COPB1: variants seen among roughly 807,000 people sequenced by gnomAD.
COPB1 encodes the protein coatomer subunit beta.
In COPB1, 21 loss-of-function variants were observed where a neutral mutation model predicts 108.7. The ratio of observed to expected loss-of-function variants is 0.19; its 90% CI spans 0.14 to 0.28. The LOEUF (loss-of-function observed/expected upper bound fraction) is 0.28, where lower values mean the gene tolerates loss of function less well. Ranked by LOEUF, COPB1 falls within the 10% of genes least tolerant of loss-of-function variation. The pLI, the probability that COPB1 is intolerant of heterozygous loss-of-function variation, is 1.00. For missense variants in COPB1, 919 were observed against 1,141.3 expected (o/e 0.81, Z 2.81); for synonymous variants, 378 against 386.8 (o/e 0.98, Z 0.27).
chr11:14,490,534 TA>T (rs1850874897), intron 5 of COPB1, 30 bp downstream of exon 5: 2 of 1,221,596 alleles, frequency 1.6e-6, no homozygotes, highest in East Asian at 2.4e-5. Flanking sequence ...TTAAATACAG[TA>T]ATAAGAGTAT....
intron 7 of COPB1, 108 bp from the exon 8 acceptor site, chr11:14,483,259 CTCCCATGAAGCCA>C: frequency 1.3e-5 from 8 of 610,582 alleles, no homozygotes; most frequent in Non-Finnish European, 2.1e-5. Context: ...CACACACACA[CTCCCATGAAGCCA>C]AAATACACTC....
Position 14,469,370 on chromosome 11 carries a change from G to T in COPB1, c.1931C>A (p.Ser644Tyr), listed in dbSNP as rs1360571642. ...ECRQSLSHML[S>Y]AKLEEEKLSQ... ...TAATTTCTCTTCTTCTAGTTTAGCA[G>T]ATAACATGTGAGAAAGGGACTGTCT... is the stretch of plus-strand genomic sequence containing the variant. The change falls in exon 15 of 22, where the codon TCT becomes TAT. Residue 644 changes from serine to tyrosine, a missense_variant. This residue lies in a region of COPB1 where 705 missense variants were observed against 817.8 expected (regional missense o/e 0.86). Coordinates refer to ENST00000439561, the MANE Select transcript of COPB1 (RefSeq NM_001144061.2). 1 of 1,614,086 alleles carries T rather than the reference G, an allele frequency of 6.2e-7. No homozygotes were observed. Among genetic ancestry groups the T allele is most frequent in the Admixed American group, 1.7e-5 (1 of 60,018 alleles).
intron 2 of COPB1, among the ~76,000 whole-genome samples, chr11:14,497,861 T>TA (rs999613023): frequency 1.3e-5 from 2 of 152,058 alleles, no homozygotes; most frequent in Admixed American, 1.3e-4. Context: ...TATTCAGCCA[T>TA]AAAAAAAGAA....
intron 5 of COPB1, 146 bp from the exon 6 acceptor site, chr11:14,488,730 G>A: frequency 7.1e-6 from 3 of 424,960 alleles, no homozygotes; most frequent in South Asian, 7.2e-5. Context: ...AAAAAATCAA[G>A]AATAAAATTA....
chr11:14,465,903 T>C (rs1253478235), intron 17 of COPB1, among the ~76,000 whole-genome samples: 1 of 152,228 alleles, frequency 6.6e-6, no homozygotes, highest in African/African-American at 2.4e-5. Flanking sequence ...ATTACTTTGG[T>C]CACATGTGGT....
chr11:14,479,475 C>T, intron 11 of COPB1, 94 bp downstream of exon 11: 1 of 1,235,196 alleles, frequency 8.1e-7, no homozygotes. Context: ...GCTTGATTGT[C>T]CTCTCCATTC....
chr11:14,469,002 T>TTC, intron 15 of COPB1, 142 bp from the exon 16 acceptor site: 3 of 745,078 alleles, frequency 4.0e-6, no homozygotes, highest in South Asian at 1.9e-5. Context: ...TTCTTTTCTT[T>TTC]TTTTTCTTCC....
Position 14,468,851 on chromosome 11 carries a change from C to T in COPB1, c.1975G>A (p.Glu659Lys). 1 of 1,613,394 alleles carries T rather than the reference C, an allele frequency of 6.2e-7. No homozygotes were observed. The highest frequency in any genetic ancestry group is 8.5e-7 in the Non-Finnish European group (1 of 1,179,652). Reference sequence around the variant, plus strand: ...GGCTGTACTGTCACATTCCTCTTTTCAGATTCTTTCTGTGTTGAGAATATA... The same window carrying T: ...GGCTGTACTGTCACATTCCTCTTTTTAGATTCTTTCTGTGTTGAGAATATA... ...EEKLSQKKES[E>K]KRNVTVQPDD... Residue 659 changes from glutamate (E) to lysine (K), a missense_variant, in exon 16 of 22, where the codon GAA (glutamate) becomes AAA (lysine). Transcript: ENST00000439561.
In COPB1 at chr11:14,465,108, C is replaced by CA. The variant is rs1850258097; in HGVS notation, c.2291-79dup. On this transcript the variant is annotated intron_variant, in intron 17 of 21. Transcript: ENST00000439561. Reference sequence around the variant, plus strand: ...ACACACACACACACACACACACACACACTAACCATAAAACCTTAAATGTAT... The same window carrying CA: ...ACACACACACACACACACACACACACAACTAACCATAAAACCTTAAATGTAT... 3 of 1,174,548 alleles carry CA rather than the reference C, an allele frequency of 2.6e-6. No individual in the cohort carries two copies. In the East Asian group the frequency reaches 8.6e-5, roughly 34 times the overall value. 72.8% of individuals were successfully genotyped at this position (1,174,548 alleles called of 1,614,324 possible).
At chr11:14,463,768 G>C (rs1305680070) in intron 18 of COPB1, among the ~76,000 whole-genome samples, 1 of 152,120 alleles carries the variant, frequency 6.6e-6, no homozygotes, top group African/African-American at 2.4e-5. Flanking sequence ...TTCCTGTTAT[G>C]ATGATGACAT....
At chr11:14,463,191 T>C (rs543431023) in intron 18 of COPB1, among the ~76,000 whole-genome samples, 92 of 152,368 alleles carry the variant, frequency 6.0e-4, no homozygotes, top group African/African-American at 2.2e-3. Context: ...TTGACCAAGC[T>C]TTCAGTGTTG....
intron 13 of COPB1, among the ~76,000 whole-genome samples, chr11:14,475,111 A>G (rs1372152279): frequency 6.6e-6 from 1 of 151,466 alleles, no homozygotes; most frequent in African/African-American, 2.4e-5. Context: ...AAAAAAAAAA[A>G]AAAAAAAAGA....
intron 14 of COPB1, among the ~76,000 whole-genome samples, chr11:14,470,287 T>C (rs1011318812): frequency 6.6e-6 from 1 of 152,230 alleles, no homozygotes; most frequent in African/African-American, 2.4e-5. Flanking sequence ...TTGATTAGAA[T>C]ACCAGATAGG....
In COPB1 at chr11:14,460,276, C is replaced by T; in HGVS notation, c.2578G>A (p.Val860Ile). The change falls in exon 20 of 22, where the codon GTT (valine) becomes ATT (isoleucine). Residue 860 changes from valine (V) to isoleucine (I), a missense_variant. Physicochemically the swap from Val to Ile is conservative, Grantham distance 29. This residue lies in a region of COPB1 where 705 missense variants were observed against 817.8 expected (regional missense o/e 0.86). Coordinates refer to ENST00000439561, the MANE Select transcript of COPB1 (RefSeq NM_001144061.2). ...TGCTGTAAGTAGTCATTTAAATCAA[C>T]CATGTTGGTGTTAACTGTCACCTGT... ...ENKVTVNTNM[V>I]DLNDYLQHIL... The T allele has an allele frequency of 6.2e-7, 1 of 1,609,426 alleles. No homozygotes were observed. Among genetic ancestry groups the T allele is most frequent in the South Asian group, 1.1e-5 (1 of 90,482 alleles).
intron 18 of COPB1, among the ~76,000 whole-genome samples, chr11:14,463,472 T>C (rs1589952341): frequency 6.6e-6 from 1 of 152,100 alleles, no homozygotes; most frequent in Non-Finnish European, 1.5e-5. Context: ...GCGTGCGCCA[T>C]TACGCCCAAT....
intron 1 of COPB1, 33 bp from the exon 2 acceptor site, chr11:14,499,018 A>AC: frequency 9.9e-7 from 1 of 1,012,444 alleles, no homozygotes; most frequent in East Asian, 2.7e-5. Context: ...ATCATTACAA[A>AC]TTAAAAAAAA....
intron 7 of COPB1, 65 bp from the exon 8 acceptor site, chr11:14,483,216 T>G (rs1380161042): frequency 1.8e-6 from 2 of 1,110,848 alleles, no homozygotes; most frequent in Admixed American, 2.6e-5. Flanking sequence ...AAAATAAGCA[T>G]GCGCGCGCAC....
At chr11:14,491,604 G>A (rs925423312) in intron 4 of COPB1, among the ~76,000 whole-genome samples, 2 of 151,658 alleles carry the variant, frequency 1.3e-5, no homozygotes, top group South Asian at 2.1e-4. Context: ...GGGAGGTGGA[G>A]GCTGCAGTAA....
chr11:14,466,320 T>C lies in COPB1; in HGVS notation c.2252A>G (p.Asp751Gly). 1 of 1,613,690 alleles carries C rather than the reference T, an allele frequency of 6.2e-7. No individual in the cohort carries two copies. The highest frequency in any genetic ancestry group is 8.5e-7 in the Non-Finnish European group (1 of 1,179,798). Residue 751 changes from aspartate (D) to glycine (G), a missense_variant, in exon 17 of 22, where the codon GAT becomes GGT. By Grantham distance (94) the Asp-to-Gly change is moderately conservative. Transcript: ENST00000439561. ...TTCTAATGTGCAATTCTGCAAAGTATCACTGGTTTGGTTCACAACAAGTAC... is the reference window on the plus strand; with the variant it reads ...TTCTAATGTGCAATTCTGCAAAGTACCACTGGTTTGGTTCACAACAAGTAC... ...LDVLVVNQTS[D>G]TLQNCTLELA... is the part of the protein sequence containing the mutation.
Sources: gnomAD v4.1 joint callset for allele counts (sites outside exome capture counted in the v4.1 genomes callset) on GRCh38, gnomAD v4.1.1 for gene constraint, gnomAD v4.1.1 regional missense constraint, MANE v1.5 for transcripts, NCBI Gene and HGNC (gene_info 2026-07-23, HGNC 2026-07-21) for gene names.